NIBAN1: variants seen among roughly 807,000 people sequenced by gnomAD.
NIBAN1 encodes the protein protein Niban 1.
Under a neutral mutation model 75.1 loss-of-function variants are expected in NIBAN1, and 81 were observed. The observed-to-expected ratio is 1.08, with a 90% CI of 0.90 to 1.30. NIBAN1 has a LOEUF of 1.30. NIBAN1 is among the 50% of genes most tolerant of loss of function. The pLI is 0.00. For synonymous variants in NIBAN1, 436 were observed against 424.8 expected, an observed-to-expected ratio of 1.03 and a Z score of -0.32; for missense variants, 1,133 against 1,128.1, an observed-to-expected ratio of 1.00 and a Z score of -0.06.
At chr1:184,801,903 T>C (rs1319484042) in intron 12 of NIBAN1, among the ~76,000 whole-genome samples, 3 of 152,232 alleles carry the variant, frequency 2.0e-5, no homozygotes, top group African/African-American at 4.8e-5. Context: ...GTGTTTTATA[T>C]TGAATTGATT....
chr1:184,863,086 A>C (rs917601393), intron 5 of NIBAN1, among the ~76,000 whole-genome samples: 5 of 151,948 alleles, frequency 3.3e-5, no homozygotes, highest in African/African-American at 1.2e-4. Flanking sequence ...AGTTCTGAGA[A>C]CCTCACGTGT....
At chr1:184,834,160 C>G (rs1655076983) in intron 5 of NIBAN1, among the ~76,000 whole-genome samples, 1 of 152,180 alleles carries the variant, frequency 6.6e-6, no homozygotes, top group Non-Finnish European at 1.5e-5. Flanking sequence ...TTTCCAGCTT[C>G]ATCCATGTCC....
At chr1:184,910,603 A>C (rs1389098956) in intron 1 of NIBAN1, among the ~76,000 whole-genome samples, 1 of 152,204 alleles carries the variant, frequency 6.6e-6, no homozygotes, top group Non-Finnish European at 1.5e-5. Flanking sequence ...TTGGTAATAA[A>C]AACTACATTG....
At chr1:184,879,205 C>T (rs1656312680) in intron 5 of NIBAN1, among the ~76,000 whole-genome samples, 1 of 152,148 alleles carries the variant, frequency 6.6e-6, no homozygotes. Flanking sequence ...TTTATGTATG[C>T]ATTTCAACAC....
intron 5 of NIBAN1, among the ~76,000 whole-genome samples, chr1:184,860,079 G>A (rs917997120): frequency 6.6e-6 from 1 of 152,188 alleles, no homozygotes; most frequent in Non-Finnish European, 1.5e-5. Context: ...AAGGCTGGAA[G>A]AATAGACCCA....
chr1:184,974,439 C>T lies in NIBAN1; in HGVS notation c.-83G>A. 1 of 1,486,228 alleles carries T rather than the reference C, an allele frequency of 6.7e-7. No individual in the cohort carries two copies. The highest frequency in any genetic ancestry group is 9.0e-7 in the Non-Finnish European group (1 of 1,114,586). 92.1% of individuals were successfully genotyped at this position (1,486,228 alleles called of 1,614,324 possible). On this transcript the variant is annotated 5_prime_UTR_variant, in exon 1 of 14. Coordinates refer to ENST00000367511, the MANE Select transcript of NIBAN1 (RefSeq NM_052966.4). ...TCCTGGAGGTTGATCCGACGGCGAA[C>T]CCGGCTCTGAAATTAAGAGCAAACT...
chr1:184,856,262 A>G (rs1369940052), intron 5 of NIBAN1, among the ~76,000 whole-genome samples: 1 of 152,172 alleles, frequency 6.6e-6, no homozygotes, highest in East Asian at 1.9e-4. Context: ...GATTTTTAAA[A>G]TATTGTGCCT....
chr1:184,929,309 A>T (rs546111559), intron 1 of NIBAN1, among the ~76,000 whole-genome samples: 11 of 152,348 alleles, frequency 7.2e-5, no homozygotes, highest in African/African-American at 2.6e-4. Flanking sequence ...TTATAATTGT[A>T]CAACTACCAC....
At chr1:184,888,066 G>A (rs1454937662) in intron 4 of NIBAN1, 17 of 152,266 alleles carry the variant, frequency 1.1e-4, no homozygotes, top group Admixed American at 1.1e-3. Flanking sequence ...GCATGTAGCT[G>A]TGGTCCCAGC....
intron 5 of NIBAN1, among the ~76,000 whole-genome samples, chr1:184,878,604 C>A (rs1395819087): frequency 6.6e-6 from 1 of 152,176 alleles, no homozygotes; most frequent in African/African-American, 2.4e-5. Flanking sequence ...GCCAGATATA[C>A]TCCAGGTCTC....
chr1:184,798,290 T>A, intron 12 of NIBAN1, 100 bp from the exon 13 acceptor site: 1 of 690,138 alleles, frequency 1.4e-6, no homozygotes, highest in Non-Finnish European at 2.4e-6. Flanking sequence ...ATTCTCTTCT[T>A]GGAGGGCATA....
chr1:184,967,262 T>C (rs1382172307), intron 1 of NIBAN1, among the ~76,000 whole-genome samples: 1 of 151,980 alleles, frequency 6.6e-6, no homozygotes, highest in African/African-American at 2.4e-5. Context: ...TGTGTTAGTT[T>C]TGAACTGTTG....
At chr1:184,827,927 C>T (rs919842888) in intron 6 of NIBAN1, among the ~76,000 whole-genome samples, 86 of 145,160 alleles carry the variant, frequency 5.9e-4, no homozygotes, top group African/African-American at 2.0e-3. Context: ...AGCACGTGGA[C>T]AAGGCCTAAA....
chr1:184,843,995 A>G (rs527757528), intron 5 of NIBAN1, among the ~76,000 whole-genome samples: 8 of 152,314 alleles, frequency 5.3e-5, no homozygotes, highest in African/African-American at 1.7e-4. Flanking sequence ...CAACTTGGAT[A>G]CGATTTAAAG....
intron 12 of NIBAN1, among the ~76,000 whole-genome samples, chr1:184,798,824 T>C (rs750814778): frequency 6.6e-5 from 10 of 152,120 alleles, no homozygotes; most frequent in Non-Finnish European, 1.0e-4. Context: ...TGATAGTTTT[T>C]GCTTGTTCTT....
Position 184,947,790 on chromosome 1 carries a change from T to C in NIBAN1, c.55+26512A>G, listed in dbSNP as rs1169664978. ...TAGGAAGAATTCAGTCCTGGCACAA[T>C]TCACTAACAAAATAACTGTCCAAAT... On this transcript the variant is annotated intron_variant, in intron 1 of 13. Transcript: ENST00000367511. Among the ~76,000 whole-genome samples the C allele has an allele frequency of 9.8e-5, 15 of 152,288 alleles. No individual in the cohort carries two copies. In the East Asian group the frequency reaches 2.7e-3, roughly 27 times the overall value.
chr1:184,959,128 CCA>C (rs1450288584), intron 1 of NIBAN1, among the ~76,000 whole-genome samples: 1 of 152,218 alleles, frequency 6.6e-6, no homozygotes, highest in African/African-American at 2.4e-5. Context: ...AAAGGAACAT[CCA>C]CAGTTTTCCC....
At chr1:184,969,935 G>A (rs537781947) in intron 1 of NIBAN1, among the ~76,000 whole-genome samples, 13 of 152,126 alleles carry the variant, frequency 8.5e-5, no homozygotes, top group African/African-American at 2.9e-4. Context: ...GGAGGCCAAG[G>A]CAGGTGGCTC....
intron 5 of NIBAN1, among the ~76,000 whole-genome samples, chr1:184,833,705 AAAAT>A (rs1655058247): frequency 6.6e-6 from 1 of 152,190 alleles, no homozygotes; most frequent in South Asian, 2.1e-4. Context: ...CTGTCTCAAA[AAAAT>A]AAATAGATAA....
Sources: allele counts gnomAD v4.1 joint callset (sites outside exome capture counted in the v4.1 genomes callset), GRCh38; gene constraint gnomAD v4.1.1; transcripts MANE v1.5; gene names NCBI Gene and HGNC (gene_info 2026-07-23, HGNC 2026-07-21).